The following DGKB variants were observed in gnomAD, a reference collection of about 807,000 sequenced individuals.
DGKB encodes 90 kDa diacylglycerol kinase.
A neutral mutation model predicts 114.3 loss-of-function variants in DGKB; 67 were observed. The ratio of observed to expected loss-of-function variants is 0.59; its 90% CI spans 0.48 to 0.72. The LOEUF (loss-of-function observed/expected upper bound fraction) is 0.72, where lower values mean the gene tolerates loss of function less well. Among genes scored for constraint, DGKB ranks in the 30% least tolerant of loss-of-function variants. DGKB has a pLI of 0.00. For synonymous variants in DGKB, 398 were observed against 323.1 expected, an observed-to-expected ratio of 1.23 and a Z score of -2.49; for missense variants, 907 against 975.2, an observed-to-expected ratio of 0.93 and a Z score of 0.93.
chr7:14,338,700 A>G lies in DGKB; in HGVS notation c.1937T>C (p.Val646Ala). The G allele has an allele frequency of 6.8e-7, 1 of 1,478,792 alleles. No homozygotes were observed. The highest frequency in any genetic ancestry group is 9.0e-7 in the Non-Finnish European group (1 of 1,108,592). The allele number at this position is 1,478,792 out of a possible 1,614,324, so 91.6% of individuals were successfully genotyped here. A position where few individuals can be genotyped will look rare whatever the true frequency, so the allele number is the denominator to read the frequency against. Residue 646 changes from valine (V) to alanine (A), a missense_variant, in exon 23 of 26, where the codon GTA becomes GCA. Coordinates refer to ENST00000402815, the MANE Select transcript of DGKB (RefSeq NM_001350709.2). ...AGAGATGTTTATTAAATCTATCTGT[A>G]CTCCATCACACTGATCGGTAAAAAG... Reference protein sequence around the residue: ...HESVEIECDGVQIDLINISLE... With the variant: ...HESVEIECDGAQIDLINISLE...
At chr7:14,809,027 T>G (rs1160547378) in intron 2 of DGKB, among the ~76,000 whole-genome samples, 5 of 152,128 alleles carry the variant, frequency 3.3e-5, no homozygotes, top group African/African-American at 1.2e-4. Flanking sequence ...TAACAGAGGT[T>G]AAAGAGAACT....
At chr7:14,859,010 G>T (rs1850577198) in intron 1 of DGKB, among the ~76,000 whole-genome samples, 1 of 152,126 alleles carries the variant, frequency 6.6e-6, no homozygotes, top group African/African-American at 2.4e-5. Context: ...GCATAGAGGT[G>T]AAAGTGTGAT....
At chr7:14,337,033 A>T (rs1810800019) in intron 23 of DGKB, among the ~76,000 whole-genome samples, 1 of 152,194 alleles carries the variant, frequency 6.6e-6, no homozygotes, top group African/African-American at 2.4e-5. Context: ...AGGAGTACAT[A>T]CGTAGTACCT....
intron 23 of DGKB, among the ~76,000 whole-genome samples, chr7:14,194,516 CAAG>C (rs976815785): frequency 2.0e-5 from 3 of 151,830 alleles, no homozygotes; most frequent in African/African-American, 7.3e-5. Context: ...TTAAATATAA[CAAG>C]AAGATAAGAA....
chr7:14,743,806 T>C (rs1466067104), intron 4 of DGKB, among the ~76,000 whole-genome samples: 2 of 152,184 alleles, frequency 1.3e-5, no homozygotes, highest in East Asian at 3.9e-4. Context: ...ACTACCCTGG[T>C]CATTTTGTTA....
At chr7:14,791,000 T>TG (rs1456248083) in intron 2 of DGKB, among the ~76,000 whole-genome samples, 2 of 152,150 alleles carry the variant, frequency 1.3e-5, no homozygotes, top group Non-Finnish European at 2.9e-5. Context: ...TTTAAAAATT[T>TG]TTTTCTTTTT....
intron 5 of DGKB, among the ~76,000 whole-genome samples, chr7:14,729,347 C>T (rs1457633784): frequency 6.6e-6 from 1 of 151,940 alleles, no homozygotes; most frequent in Non-Finnish European, 1.5e-5. Flanking sequence ...TGGTCTCGAT[C>T]TCCTGACCTT....
At chr7:14,205,525 T>G (rs1786636724) in intron 23 of DGKB, among the ~76,000 whole-genome samples, 1 of 151,970 alleles carries the variant, frequency 6.6e-6, no homozygotes. Context: ...ATGTTCTAAA[T>G]TTTTCAACAT....
At chr7:14,920,695 G>T (rs1461476179) in intron 1 of DGKB, among the ~76,000 whole-genome samples, 2 of 152,036 alleles carry the variant, frequency 1.3e-5, no homozygotes, top group African/African-American at 4.8e-5. Flanking sequence ...ACCCTTCACA[G>T]GAATGTTTAT....
intron 23 of DGKB, among the ~76,000 whole-genome samples, chr7:14,250,332 G>C (rs1378069370): frequency 2.0e-5 from 3 of 151,566 alleles, no homozygotes; most frequent in African/African-American, 7.3e-5. Flanking sequence ...GTATCACATG[G>C]GTTTCAGTAG....
chr7:14,757,758 T>A, intron 2 of DGKB, 27 bp from the exon 3 acceptor site: 1 of 1,348,634 alleles, frequency 7.4e-7, no homozygotes, highest in Non-Finnish European at 1.1e-6. Context: ...ACACAAAAAT[T>A]GTTTATATGC....
At chr7:14,400,590 T>A (rs1822947372) in intron 21 of DGKB, among the ~76,000 whole-genome samples, 1 of 151,612 alleles carries the variant, frequency 6.6e-6, no homozygotes. Context: ...CATTCAAACT[T>A]TTTTTTATTT....
At chr7:14,971,872 C>A (rs944158425) in intron 1 of DGKB, among the ~76,000 whole-genome samples, 1 of 151,424 alleles carries the variant, frequency 6.6e-6, no homozygotes, top group African/African-American at 2.4e-5. Flanking sequence ...AAGTGATTCT[C>A]CTGACTCAGC....
At chr7:14,169,364 C>CAAAAAAAAAAAAAAA (rs35418998) in intron 25 of DGKB, among the ~76,000 whole-genome samples, 2 of 65,288 alleles carry the variant, frequency 3.1e-5, no homozygotes, top group Non-Finnish European at 3.2e-5. Context: ...GACTCCGTCT[C>CAAAAAAAAAAAAAAA]AAAAAAAAAA....
chr7:14,535,694 T>A (rs930403933), intron 20 of DGKB, among the ~76,000 whole-genome samples: 1 of 152,046 alleles, frequency 6.6e-6, no homozygotes, highest in East Asian at 1.9e-4. Flanking sequence ...TTCAAGCAAT[T>A]CTCCTGCCTC....
intron 20 of DGKB, among the ~76,000 whole-genome samples, chr7:14,557,863 T>G (rs1209133381): frequency 1.3e-5 from 2 of 151,784 alleles, no homozygotes; most frequent in Non-Finnish European, 1.5e-5. Flanking sequence ...ATTTATTATT[T>G]ATTATGGTAT....
At chr7:14,692,061 AC>A (rs1365135070) in intron 9 of DGKB, among the ~76,000 whole-genome samples, 1 of 152,114 alleles carries the variant, frequency 6.6e-6, no homozygotes, top group Non-Finnish European at 1.5e-5. Context: ...GGTTTAAAAT[AC>A]TTTGAGTTAA....
At chr7:14,558,820 A>T (rs1796239422) in intron 20 of DGKB, among the ~76,000 whole-genome samples, 1 of 152,144 alleles carries the variant, frequency 6.6e-6, no homozygotes, top group Non-Finnish European at 1.5e-5. Context: ...GCTGCTTTCC[A>T]GTCCTTACAC....
intron 2 of DGKB, among the ~76,000 whole-genome samples, chr7:14,802,004 T>A (rs372202672): frequency 8.1e-4 from 123 of 152,050 alleles, no homozygotes; most frequent in African/African-American, 2.8e-3. Context: ...TCTGGTTTTG[T>A]TTTCCTGGAG....
Sources: gnomAD v4.1 joint callset for allele counts (sites outside exome capture counted in the v4.1 genomes callset) on GRCh38, gnomAD v4.1.1 for gene constraint, MANE v1.5 for transcripts, NCBI Gene and HGNC (gene_info 2026-07-23, HGNC 2026-07-21) for gene names.